Variants in PHACTR1 observed in about 807,000 individuals in gnomAD.
PHACTR1 encodes phosphatase and actin regulator 1, also known as RPEL repeat containing 1.
A neutral mutation model predicts 69.2 loss-of-function variants in PHACTR1; 16 were observed. The observed-to-expected ratio is 0.23, with a 90% CI of 0.16 to 0.35. The LOEUF (loss-of-function observed/expected upper bound fraction) is 0.35. PHACTR1 is among the 10% of genes least tolerant of loss of function. The pLI is 1.00. For missense variants in PHACTR1, 510 were observed against 734.7 expected (o/e 0.69, Z 3.54); for synonymous variants, 312 against 284.5 (o/e 1.10, Z -0.97).
chr6:12,882,192 CA>C (rs1783171616), intron 4 of PHACTR1, among the ~76,000 whole-genome samples: 1 of 151,986 alleles, frequency 6.6e-6, no homozygotes, highest in Non-Finnish European at 1.5e-5. Flanking sequence ...GCATGGGAAA[CA>C]GGGTGAAAAA....
chr6:12,986,717 G>A (rs1796233227), intron 4 of PHACTR1, among the ~76,000 whole-genome samples: 1 of 152,212 alleles, frequency 6.6e-6, no homozygotes, highest in African/African-American at 2.4e-5. Context: ...ACGGAAGATT[G>A]GTGGGGAGGA....
At chr6:12,726,136 T>C (rs887293868) in intron 3 of PHACTR1, among the ~76,000 whole-genome samples, 6 of 152,120 alleles carry the variant, frequency 3.9e-5, no homozygotes, top group Non-Finnish European at 7.4e-5. Flanking sequence ...TAAGAAGAAA[T>C]TAAACAAAAG....
intron 3 of PHACTR1, among the ~76,000 whole-genome samples, chr6:12,723,107 T>C (rs1179015382): frequency 6.6e-6 from 1 of 152,180 alleles, no homozygotes; most frequent in African/African-American, 2.4e-5. Flanking sequence ...TAGGTTAAAA[T>C]GGACATTATA....
At chr6:13,008,565 C>T (rs1325464789) in intron 4 of PHACTR1, among the ~76,000 whole-genome samples, 1 of 152,198 alleles carries the variant, frequency 6.6e-6, no homozygotes, top group African/African-American at 2.4e-5. Flanking sequence ...GTCTTCTCTT[C>T]CATTCCACTC....
intron 6 of PHACTR1, among the ~76,000 whole-genome samples, chr6:13,178,291 A>G (rs1761684227): frequency 6.6e-6 from 1 of 152,122 alleles, no homozygotes; most frequent in Admixed American, 6.5e-5. Context: ...AGACAACACA[A>G]CTTCCTGCTT....
intron 4 of PHACTR1, among the ~76,000 whole-genome samples, chr6:12,967,694 T>C (rs1431502394): frequency 6.6e-6 from 1 of 152,170 alleles, no homozygotes; most frequent in Non-Finnish European, 1.5e-5. Context: ...TCCCTAGAAA[T>C]GGAACTGGGA....
intron 4 of PHACTR1, among the ~76,000 whole-genome samples, chr6:12,928,063 G>A (rs1004551401): frequency 7.8e-5 from 11 of 140,856 alleles, no homozygotes; most frequent in African/African-American, 3.6e-4. Context: ...AAGCCATGGA[G>A]CCCCTCTGTC....
intron 4 of PHACTR1, among the ~76,000 whole-genome samples, chr6:12,990,694 C>T (rs1055373214): frequency 2.6e-5 from 4 of 152,210 alleles, no homozygotes; most frequent in Non-Finnish European, 4.4e-5. Context: ...GCACCTGCCC[C>T]TTTGATACCC....
intron 4 of PHACTR1, among the ~76,000 whole-genome samples, chr6:12,761,770 T>C (rs1263746731): frequency 6.6e-6 from 1 of 152,218 alleles, no homozygotes; most frequent in African/African-American, 2.4e-5. Context: ...AATGCCCTAA[T>C]TATTTGTTTT....
At chr6:12,886,168 A>G (rs2127462003) in intron 4 of PHACTR1, among the ~76,000 whole-genome samples, 1 of 152,138 alleles carries the variant, frequency 6.6e-6, no homozygotes, top group Non-Finnish European at 1.5e-5. Context: ...CTCTACCTTT[A>G]TCTCAATATA....
intron 4 of PHACTR1, among the ~76,000 whole-genome samples, chr6:12,889,416 A>G (rs1783950158): frequency 6.6e-6 from 1 of 152,216 alleles, no homozygotes; most frequent in Non-Finnish European, 1.5e-5. Flanking sequence ...AACATGTCCT[A>G]ATCAATGCGT....
At chr6:13,265,618 G>T (rs997857505) in intron 10 of PHACTR1, among the ~76,000 whole-genome samples, 8 of 152,170 alleles carry the variant, frequency 5.3e-5, no homozygotes, top group Non-Finnish European at 1.2e-4. Flanking sequence ...TTGTTTGACC[G>T]AGTCTATTGG....
chr6:13,238,376 A>G (rs1772327298), intron 10 of PHACTR1, among the ~76,000 whole-genome samples: 1 of 152,190 alleles, frequency 6.6e-6, no homozygotes, highest in South Asian at 2.1e-4. Context: ...TGAGATAGTG[A>G]GATAATAGTC....
intron 4 of PHACTR1, among the ~76,000 whole-genome samples, chr6:12,785,836 C>T (rs916414703): frequency 6.6e-6 from 1 of 151,988 alleles, no homozygotes; most frequent in East Asian, 1.9e-4. Context: ...TTATATTATT[C>T]ATTCATCATA....
At chr6:13,101,147 G>A (rs535856337) in intron 5 of PHACTR1, among the ~76,000 whole-genome samples, 1 of 152,328 alleles carries the variant, frequency 6.6e-6, no homozygotes, top group South Asian at 2.1e-4. Context: ...TATGGTTCTG[G>A]AGGCTGGAAA....
At chr6:13,144,657 T>C (rs894203782) in intron 5 of PHACTR1, among the ~76,000 whole-genome samples, 9 of 151,602 alleles carry the variant, frequency 5.9e-5, no homozygotes, top group Non-Finnish European at 1.3e-4. Context: ...TCCCAGCTGC[T>C]TGGGAGGCTG....
At chr6:12,781,388 T>C (rs1356075060) in intron 4 of PHACTR1, among the ~76,000 whole-genome samples, 1 of 152,208 alleles carries the variant, frequency 6.6e-6, no homozygotes, top group Non-Finnish European at 1.5e-5. Flanking sequence ...AGGACGTGAA[T>C]CTCTAGCACT....
At chr6:13,075,775 C>T (rs1387613044) in intron 5 of PHACTR1, among the ~76,000 whole-genome samples, 1 of 152,150 alleles carries the variant, frequency 6.6e-6, no homozygotes, top group African/African-American at 2.4e-5. Flanking sequence ...CCTGAGCTCC[C>T]TGAATACCCC....
At chr6:13,171,115 C>T (rs557567266) in intron 6 of PHACTR1, among the ~76,000 whole-genome samples, 9 of 152,310 alleles carry the variant, frequency 5.9e-5, no homozygotes, top group Admixed American at 2.0e-4. Flanking sequence ...ACCTGTTCTC[C>T]CTGCTCTTCT....
Sources: gnomAD v4.1 joint callset for allele counts (sites outside exome capture counted in the v4.1 genomes callset) on GRCh38, gnomAD v4.1.1 for gene constraint, MANE v1.5 for transcripts, NCBI Gene and HGNC (gene_info 2026-07-23, HGNC 2026-07-21) for gene names.